The following RIT2 variants were observed in gnomAD, a reference collection of about 807,000 sequenced individuals.
The protein encoded by RIT2 is Ras like without CAAX 2.
Under a neutral mutation model 23.7 loss-of-function variants are expected in RIT2, and 24 were observed. The ratio of observed to expected loss-of-function variants is 1.01; its 90% confidence interval spans 0.73 to 1.43. RIT2 has a LOEUF of 1.43. Ranked by LOEUF, RIT2 falls within the 40% of genes most tolerant of loss-of-function variation. The pLI is 0.00. For synonymous variants in RIT2, 107 were observed against 91.1 expected (o/e 1.17, Z -0.99); for missense variants, 236 against 266.9 (o/e 0.88, Z 0.81).
chr18:42,970,824 C>T (rs556736654), intron 3 of RIT2, among the ~76,000 whole-genome samples: 2 of 151,922 alleles, frequency 1.3e-5, no homozygotes, highest in Admixed American at 6.6e-5. Context: ...GTCTTTGAGT[C>T]TTCATTTTGG....
At chr18:42,862,406 C>T (rs562985505) in intron 4 of RIT2, among the ~76,000 whole-genome samples, 3 of 152,220 alleles carry the variant, frequency 2.0e-5, no homozygotes, top group African/African-American at 4.8e-5. Flanking sequence ...TACTCACTCT[C>T]GGGTAGTTCT....
chr18:42,849,794 G>A (rs1014459041), intron 4 of RIT2, among the ~76,000 whole-genome samples: 1 of 152,032 alleles, frequency 6.6e-6, no homozygotes, highest in Non-Finnish European at 1.5e-5. Context: ...CCAGCTTGAT[G>A]AGCTAGAAAA....
At chr18:43,032,500 G>T (rs1254462437) in intron 2 of RIT2, among the ~76,000 whole-genome samples, 1 of 152,022 alleles carries the variant, frequency 6.6e-6, no homozygotes, top group Non-Finnish European at 1.5e-5. Context: ...TGTCCCTTTT[G>T]TGTAACTTAC....
intron 4 of RIT2, among the ~76,000 whole-genome samples, chr18:42,774,969 C>G (rs1260605005): frequency 6.6e-6 from 1 of 152,146 alleles, no homozygotes; most frequent in African/African-American, 2.4e-5. Flanking sequence ...TACACCTTAT[C>G]ATCTATACTT....
At chr18:42,808,447 C>T (rs188269900) in intron 4 of RIT2, among the ~76,000 whole-genome samples, 82 of 152,266 alleles carry the variant, frequency 5.4e-4, no homozygotes, top group African/African-American at 1.9e-3. Flanking sequence ...GGAAGATCCA[C>T]AGTTCTGTCT....
At chr18:42,986,198 C>T (rs1434237545) in intron 2 of RIT2, among the ~76,000 whole-genome samples, 1 of 151,756 alleles carries the variant, frequency 6.6e-6, no homozygotes, top group East Asian at 2.0e-4. Flanking sequence ...CACCACCACG[C>T]CTGGCTAATT....
In RIT2 at chr18:42,759,760, G is replaced by GATATAT. The variant is rs149291326; in HGVS notation, c.427-16046_427-16041dup. ...ACACACACACACACACACACATACG[G>GATATAT]ATATATATATATATATATATAAATT... On this transcript the variant is annotated intron_variant, in intron 4 of 4. Coordinates refer to ENST00000326695, the MANE Select transcript of RIT2 (RefSeq NM_002930.4). Among the ~76,000 whole-genome samples, 759 of 130,678 alleles carry GATATAT rather than the reference G, an allele frequency of 5.8e-3. 4 individuals carry two copies. The highest frequency in any genetic ancestry group is 7.9e-3 in the Middle Eastern group (2 of 254). 85.7% of individuals were successfully genotyped at this position (130,678 alleles called of 152,430 possible).
At chr18:42,815,337 C>T (rs538994872) in intron 4 of RIT2, among the ~76,000 whole-genome samples, 2 of 152,242 alleles carry the variant, frequency 1.3e-5, no homozygotes, top group East Asian at 3.9e-4. Context: ...TGGAAAGTCT[C>T]AGCAATAGAA....
intron 4 of RIT2, among the ~76,000 whole-genome samples, chr18:42,869,131 C>T (rs563019558): frequency 2.0e-3 from 310 of 152,338 alleles, no homozygotes; most frequent in African/African-American, 6.9e-3. Context: ...AACTTATTGG[C>T]ACCAGTGACT....
At chr18:42,868,831 G>A (rs67534225) in intron 4 of RIT2, among the ~76,000 whole-genome samples, 9,296 of 152,188 alleles carry the variant, frequency 0.061, 395 homozygotes, top group Non-Finnish European at 0.085. Context: ...AATCATCACA[G>A]AATCAGGAAC....
chr18:42,784,405 C>T (rs1913880020), intron 4 of RIT2, among the ~76,000 whole-genome samples: 1 of 152,014 alleles, frequency 6.6e-6, no homozygotes, highest in Non-Finnish European at 1.5e-5. Flanking sequence ...TTTTAGCTGT[C>T]AGGCAAATTA....
At chr18:42,975,448 T>C (rs910700739) in intron 2 of RIT2, among the ~76,000 whole-genome samples, 3 of 152,050 alleles carry the variant, frequency 2.0e-5, no homozygotes, top group Admixed American at 1.3e-4. Flanking sequence ...GAATTTTGCA[T>C]ATGGATGAAC....
At chr18:42,938,537 C>A (rs1909517802) in intron 3 of RIT2, among the ~76,000 whole-genome samples, 1 of 152,108 alleles carries the variant, frequency 6.6e-6, no homozygotes, top group Admixed American at 6.6e-5. Context: ...GAAGACTTAA[C>A]AAGATAACCA....
chr18:43,021,347 G>C (rs1332369548), intron 2 of RIT2, among the ~76,000 whole-genome samples: 1 of 151,990 alleles, frequency 6.6e-6, no homozygotes, highest in Non-Finnish European at 1.5e-5. Flanking sequence ...ATCTTACCCT[G>C]GTTAGAATAA....
intron 3 of RIT2, among the ~76,000 whole-genome samples, chr18:42,938,241 T>C (rs1909510458): frequency 6.6e-6 from 1 of 152,042 alleles, no homozygotes; most frequent in East Asian, 1.9e-4. Flanking sequence ...AATAATGGCA[T>C]AAAACAAAAA....
At chr18:42,976,629 A>G (rs1451178617) in intron 2 of RIT2, among the ~76,000 whole-genome samples, 4 of 152,098 alleles carry the variant, frequency 2.6e-5, no homozygotes, top group Non-Finnish European at 5.9e-5. Context: ...AAGTCACCTT[A>G]TATTTTGTAT....
Position 42,743,639 on chromosome 18 carries a change from TA to T in RIT2, c.507del (p.Cys169Ter). 1 of 1,614,088 alleles carries T rather than the reference TA, an allele frequency of 6.2e-7. No homozygotes were observed. Among genetic ancestry groups the T allele is most frequent in the Non-Finnish European group, 8.5e-7 (1 of 1,179,982 alleles). On this transcript the variant is annotated frameshift_variant, in exon 5 of 5. Coordinates refer to ENST00000326695, the MANE Select transcript of RIT2 (RefSeq NM_002930.4). LOFTEE classifies it high-confidence loss of function. ...FFETSAALRF[C>X]IDDAFHGLVR... ...ACTAAGCCATGAAAAGCATCATCAA[TA>T]CAGAATCTGAGGGCTGCAGAGGTCT...
chr18:43,007,689 T>C (rs907747615), intron 2 of RIT2, among the ~76,000 whole-genome samples: 2 of 151,722 alleles, frequency 1.3e-5, no homozygotes, highest in African/African-American at 2.4e-5. Context: ...AATGACTTCA[T>C]TGAAATAATA....
At chr18:42,984,490 A>G (rs1386642047) in intron 2 of RIT2, among the ~76,000 whole-genome samples, 1 of 152,024 alleles carries the variant, frequency 6.6e-6, no homozygotes, top group Non-Finnish European at 1.5e-5. Context: ...ATCAATATCA[A>G]TATCCTGTTT....
Sources: allele counts gnomAD v4.1 joint callset (sites outside exome capture counted in the v4.1 genomes callset), GRCh38; gene constraint gnomAD v4.1.1; transcripts MANE v1.5; gene names NCBI Gene and HGNC (gene_info 2026-07-23, HGNC 2026-07-21).